The following PAG1 variants were observed in gnomAD, a reference collection of about 807,000 sequenced individuals.
PAG1 encodes the protein phosphoprotein associated with glycosphingolipid-enriched microdomains 1.
A neutral mutation model predicts 31.7 loss-of-function variants in PAG1; 23 were observed. The ratio of observed to expected loss-of-function variants is 0.73; its 90% confidence interval spans 0.52 to 1.03. PAG1 has a LOEUF of 1.03. PAG1 is among the 50% of genes least tolerant of loss of function. PAG1 has a pLI of 0.00. For synonymous variants in PAG1, 214 were observed against 210.3 expected, an observed-to-expected ratio of 1.02 and a Z score of -0.15; for missense variants, 473 against 540.7, an observed-to-expected ratio of 0.87 and a Z score of 1.24.
chr8:81,073,402 G>A (rs1323819139), intron 1 of PAG1, among the ~76,000 whole-genome samples: 3 of 152,160 alleles, frequency 2.0e-5, no homozygotes, highest in East Asian at 1.9e-4. Context: ...GGAATTTGAT[G>A]TTGGTCCTTT....
chr8:80,987,723 GTTTAA>G (rs1317622685), intron 5 of PAG1, among the ~76,000 whole-genome samples: 1 of 152,120 alleles, frequency 6.6e-6, no homozygotes, highest in African/African-American at 2.4e-5. Context: ...CTATGATGAT[GTTTAA>G]TTTATAAGTA....
intron 2 of PAG1, among the ~76,000 whole-genome samples, chr8:81,033,651 T>C (rs1586178041): frequency 6.6e-6 from 1 of 152,236 alleles, no homozygotes; most frequent in South Asian, 2.1e-4. Flanking sequence ...TGAGGACGGT[T>C]GGTGACTTCT....
chr8:81,003,829 T>C (rs900188041), intron 3 of PAG1, among the ~76,000 whole-genome samples: 3 of 152,174 alleles, frequency 2.0e-5, no homozygotes, highest in Non-Finnish European at 4.4e-5. Flanking sequence ...ATGTGATCAA[T>C]AGTTTCAACT....
intron 3 of PAG1, among the ~76,000 whole-genome samples, chr8:81,010,900 G>A (rs191110062): frequency 5.9e-5 from 9 of 152,202 alleles, no homozygotes; most frequent in African/African-American, 1.7e-4. Flanking sequence ...TTTTATACTA[G>A]CTGTTTGTTT....
intron 3 of PAG1, among the ~76,000 whole-genome samples, chr8:81,002,401 G>T (rs369440840): frequency 6.6e-6 from 1 of 152,074 alleles, no homozygotes; most frequent in East Asian, 1.9e-4. Flanking sequence ...GCCCCCTTTC[G>T]GCAGACAGCT....
At chr8:81,070,470 A>G (rs1221324900) in intron 1 of PAG1, among the ~76,000 whole-genome samples, 4 of 152,224 alleles carry the variant, frequency 2.6e-5, no homozygotes, top group African/African-American at 9.6e-5. Context: ...AATTATGTCC[A>G]TACTTCGTTT....
chr8:80,977,348 C>T (rs554471457), intron 8 of PAG1, among the ~76,000 whole-genome samples: 11 of 152,350 alleles, frequency 7.2e-5, no homozygotes, highest in Admixed American at 4.6e-4. Context: ...CCAGCAGCAA[C>T]AGGATCTGGG....
chr8:81,089,485 G>A (rs906839583), intron 1 of PAG1, among the ~76,000 whole-genome samples: 4 of 152,002 alleles, frequency 2.6e-5, no homozygotes, highest in Non-Finnish European at 4.4e-5. Flanking sequence ...GAAGAATGGC[G>A]TGAACCCAGG....
chr8:81,092,068 C>T (rs1586214762), intron 1 of PAG1, among the ~76,000 whole-genome samples: 1 of 150,388 alleles, frequency 6.6e-6, no homozygotes, highest in East Asian at 1.9e-4. Context: ...AAAAGTAAAT[C>T]CAGGCTGGGT....
Position 81,084,655 on chromosome 8 carries a change from A to G in PAG1, c.-233-14485T>C, listed in dbSNP as rs1481456781. Among the ~76,000 whole-genome samples the G allele has an allele frequency of 3.3e-5, 5 of 152,072 alleles. No homozygotes were observed. In the East Asian group the frequency reaches 9.6e-4, roughly 29 times the overall value. ...TATTTGAAGGCTTCTTTCTTTCCTA[A>G]GCTGTCTATAAGAAGTGGCTACACA... On this transcript the variant is annotated intron_variant, in intron 1 of 8. Transcript: ENST00000220597.
At chr8:81,074,201 A>G (rs1809140457) in intron 1 of PAG1, among the ~76,000 whole-genome samples, 1 of 152,212 alleles carries the variant, frequency 6.6e-6, no homozygotes, top group Non-Finnish European at 1.5e-5. Flanking sequence ...CACTGAGACG[A>G]AAGTGGGACC....
At chr8:80,987,659 A>G in intron 5 of PAG1, 193 bp from the exon 6 acceptor site, 1 of 534,658 alleles carries the variant, frequency 1.9e-6, no homozygotes, top group Non-Finnish European at 3.4e-6. Context: ...TAAAACCATG[A>G]GTAGTACTGA....
chr8:81,010,981 C>T (rs912572842), intron 3 of PAG1, among the ~76,000 whole-genome samples: 1 of 152,184 alleles, frequency 6.6e-6, no homozygotes, highest in African/African-American at 2.4e-5. Context: ...GCTTAAAGAT[C>T]GTGTTCTCAG....
intron 3 of PAG1, among the ~76,000 whole-genome samples, chr8:80,997,493 A>C (rs77244883): frequency 0.011 from 1,650 of 151,094 alleles, 35 homozygotes; most frequent in African/African-American, 0.038. Flanking sequence ...CCGGTATTGA[A>C]CTCCTCCCAC....
intron 1 of PAG1, among the ~76,000 whole-genome samples, chr8:81,082,985 C>A (rs763023270): frequency 6.6e-5 from 10 of 150,774 alleles, no homozygotes; most frequent in South Asian, 2.1e-4. Context: ...TTCATTGAAA[C>A]CTGGACATTT....
chr8:81,093,966 A>C (rs1809487544), intron 1 of PAG1, among the ~76,000 whole-genome samples: 1 of 152,020 alleles, frequency 6.6e-6, no homozygotes, highest in South Asian at 2.1e-4. Context: ...CTGGCATCTC[A>C]TTCAAACTGG....
intron 2 of PAG1, among the ~76,000 whole-genome samples, chr8:81,054,027 T>G (rs968660501): frequency 6.6e-5 from 10 of 152,104 alleles, no homozygotes; most frequent in Non-Finnish European, 5.9e-5. Flanking sequence ...TGTGTTCCAA[T>G]AAAACTTTAT....
At chr8:81,068,899 C>T (rs1190907276) in intron 2 of PAG1, among the ~76,000 whole-genome samples, 3 of 152,152 alleles carry the variant, frequency 2.0e-5, no homozygotes, top group African/African-American at 4.8e-5. Context: ...TACCCCCAAC[C>T]GGAAAATGCT....
chr8:80,976,702 C>A lies in PAG1; in HGVS notation c.1141G>T (p.Glu381Ter), dbSNP rs986205908. ...STLPPAGRPS[E>*]EPEPDYEAIQ... ...GCTTCATAATCAGGCTCTGGCTCCT[C>A]GCTGGGCCTCCCTGCTGGTGGAAGT... The change falls in exon 9 of 9, where the codon GAG becomes TAG. Residue 381 changes from glutamate (E) to a stop codon, truncating the protein, a stop_gained. Coordinates refer to ENST00000220597, the MANE Select transcript of PAG1 (RefSeq NM_018440.4). LOFTEE classifies it high-confidence loss of function. 2 of 1,614,048 alleles carry A rather than the reference C, an allele frequency of 1.2e-6. No homozygotes were observed. The highest frequency in any genetic ancestry group is 1.7e-6 in the Non-Finnish European group (2 of 1,180,020).
Sources: gnomAD v4.1 joint callset for allele counts (sites outside exome capture counted in the v4.1 genomes callset) on GRCh38, gnomAD v4.1.1 for gene constraint, MANE v1.5 for transcripts, NCBI Gene and HGNC (gene_info 2026-07-23, HGNC 2026-07-21) for gene names.